The following FUT8 variants were observed in gnomAD, a reference collection of about 807,000 sequenced individuals.
The protein encoded by FUT8 is alpha-(1,6)-fucosyltransferase.
FUT8 carries 29 observed loss-of-function variants against 71.3 expected under a neutral mutation model. The observed-to-expected ratio is 0.41, with a 90% CI of 0.30 to 0.55. The LOEUF is 0.55. Among genes scored for constraint, FUT8 ranks in the 20% least tolerant of loss-of-function variants. The probability of loss-of-function intolerance (pLI) is 0.34; values close to 1 mark genes in which losing one functional copy is unlikely to be tolerated. For synonymous variants in FUT8, 254 were observed against 239.3 expected (o/e 1.06, Z -0.57); for missense variants, 544 against 702.1 (o/e 0.77, Z 2.55).
chr14:65,431,411 G>C (rs755643034), intron 1 of FUT8, among the ~76,000 whole-genome samples: 7 of 147,798 alleles, frequency 4.7e-5, no homozygotes, highest in Non-Finnish European at 9.0e-5. Context: ...CTGGGCTCAG[G>C]TGATCCTCCT....
At chr14:65,692,491 G>C (rs1205921473) in intron 7 of FUT8, among the ~76,000 whole-genome samples, 8 of 80,024 alleles carry the variant, frequency 1.0e-4, no homozygotes, top group Admixed American at 1.2e-4. Flanking sequence ...CGGGGCGGCT[G>C]GCCGGGCGGG....
At chr14:65,365,706 G>T in the FUT8 span, among the ~76,000 whole-genome samples, 401 of 152,284 alleles carry the variant, frequency 2.6e-3, 2 homozygotes, top group African/African-American at 9.0e-3. Context: ...GCCCTATAGG[G>T]TCTGAAAAGG....
At chr14:65,462,007 C>T (rs1461025619) in intron 2 of FUT8, among the ~76,000 whole-genome samples, 2 of 152,164 alleles carry the variant, frequency 1.3e-5, no homozygotes, top group Admixed American at 6.5e-5. Context: ...GTCTGTGGGA[C>T]TATTGGGTTT....
chr14:65,472,277 CA>C lies in FUT8; in HGVS notation c.-228+16561del, dbSNP rs2066159249. Among the ~76,000 whole-genome samples the C allele has an allele frequency of 6.6e-6, 1 of 152,100 alleles. No individual in the cohort carries two copies. The highest frequency in any genetic ancestry group is 2.4e-5 in the African/African-American group (1 of 41,434). Reference sequence around the variant, plus strand: ...GAGGAGGGGCCCTGGCTCTTTTTAACAACCAGCTCTTGGGGGAACAAATAGA... The same window carrying C: ...GAGGAGGGGCCCTGGCTCTTTTTAACACCAGCTCTTGGGGGAACAAATAGA... On this transcript the variant is annotated intron_variant, in intron 2 of 10. Coordinates refer to ENST00000673929, the MANE Select transcript of FUT8 (RefSeq NM_001371533.1). The surrounding 1 kb of genome is among the most constrained non-coding windows in gnomAD (Gnocchi z 4.4).
chr14:65,632,194 T>C (rs1890221839), intron 6 of FUT8, among the ~76,000 whole-genome samples: 1 of 152,196 alleles, frequency 6.6e-6, no homozygotes, highest in Non-Finnish European at 1.5e-5. Context: ...AACATGCATG[T>C]GCAAGTATCT....
chr14:65,543,461 A>G (rs1884803530), intron 2 of FUT8, among the ~76,000 whole-genome samples: 1 of 152,212 alleles, frequency 6.6e-6, no homozygotes, highest in Non-Finnish European at 1.5e-5. Context: ...CTCTACTGAT[A>G]CATACCTTTT....
intron 1 of FUT8, among the ~76,000 whole-genome samples, chr14:65,423,794 CCTTT>C (rs2065339263): frequency 2.0e-5 from 3 of 152,160 alleles, no homozygotes. Context: ...TATAGGGATG[CCTTT>C]CTTTATAGCA....
At chr14:65,676,354 A>G (rs1038048991) in intron 7 of FUT8, among the ~76,000 whole-genome samples, 17 of 152,224 alleles carry the variant, frequency 1.1e-4, no homozygotes, top group Non-Finnish European at 2.1e-4. Context: ...AGAGCTAGAG[A>G]TAGAATCCAG....
chr14:65,480,220 G>A (rs1349888580), intron 2 of FUT8, among the ~76,000 whole-genome samples: 1 of 151,366 alleles, frequency 6.6e-6, no homozygotes, highest in Non-Finnish European at 1.5e-5. Context: ...TATCTGAATC[G>A]GCCCTTTCTA....
intron 2 of FUT8, among the ~76,000 whole-genome samples, chr14:65,541,781 T>G (rs1417283146): frequency 6.6e-6 from 1 of 152,190 alleles, no homozygotes; most frequent in Non-Finnish European, 1.5e-5. Context: ...AAATTAACCA[T>G]TATAAGATAT....
At chr14:65,491,449 C>A (rs1037158528) in intron 2 of FUT8, among the ~76,000 whole-genome samples, 2 of 152,018 alleles carry the variant, frequency 1.3e-5, no homozygotes, top group African/African-American at 4.8e-5. Context: ...AACTTCTGGT[C>A]CTTTTCTCAT....
At chr14:65,614,311 A>G (rs1444591250) in intron 3 of FUT8, among the ~76,000 whole-genome samples, 3 of 152,238 alleles carry the variant, frequency 2.0e-5, no homozygotes, top group Non-Finnish European at 4.4e-5. Context: ...ACTGCTAAGT[A>G]CTTTTACAGA....
chr14:65,675,897 T>C (rs926933722), intron 7 of FUT8, among the ~76,000 whole-genome samples: 1 of 151,330 alleles, frequency 6.6e-6, no homozygotes, highest in Non-Finnish European at 1.5e-5. Context: ...CTCAGGAGGC[T>C]GAGAGGGAAG....
intron 3 of FUT8, among the ~76,000 whole-genome samples, chr14:65,583,608 G>A (rs1426178979): frequency 1.3e-5 from 2 of 151,144 alleles, no homozygotes; most frequent in Non-Finnish European, 2.9e-5. Context: ...GGCAACATAA[G>A]CGACATTTAA....
intron 1 of FUT8, among the ~76,000 whole-genome samples, chr14:65,424,639 G>A (rs982262075): frequency 2.0e-5 from 3 of 150,600 alleles, no homozygotes; most frequent in African/African-American, 7.3e-5. Flanking sequence ...TGGTGTTCAG[G>A]TGATTCTCCT....
chr14:65,674,295 T>G (rs553301288), intron 7 of FUT8, among the ~76,000 whole-genome samples: 1 of 152,290 alleles, frequency 6.6e-6, no homozygotes, highest in East Asian at 1.9e-4. Flanking sequence ...GGAAGGATAT[T>G]AGACTGTGAG....
rs535651632 is a variant in FUT8, at chr14:65,670,667, T to C, written c.835+1187T>C. Among the ~76,000 whole-genome samples the C allele has an allele frequency of 2.2e-4, 34 of 152,264 alleles. No individual in the cohort carries two copies. In the South Asian group the frequency reaches 6.6e-3, roughly 30 times the overall value. Reference sequence around the variant, plus strand: ...ACGAGCTACAACACTAGATACGAAATAGGGAGCTATGTCATCAGCAAAGTA... The same window carrying C: ...ACGAGCTACAACACTAGATACGAAACAGGGAGCTATGTCATCAGCAAAGTA... On this transcript the variant is annotated intron_variant, in intron 7 of 10. Transcript: ENST00000673929.
In FUT8 at chr14:65,501,392, G is replaced by A. The variant is rs934712979; in HGVS notation, c.-228+45674G>A. Among the ~76,000 whole-genome samples the A allele has an allele frequency of 7.9e-5, 12 of 152,152 alleles. 1 individual carries two copies. Among genetic ancestry groups the A allele is most frequent in the African/African-American group, 2.9e-4 (12 of 41,430 alleles). The stretch of plus-strand genomic sequence containing the variant: ...GGGGGAAATAAGAACTTGGAGTTGG[G>A]ACCTCATAGAATTGGGGTTCAAAAC... On this transcript the variant is annotated intron_variant, in intron 2 of 10. Transcript: ENST00000673929.
rs77062345 is a variant in FUT8, at chr14:65,529,884, G to A, written c.-227-31453G>A. Among the ~76,000 whole-genome samples the A allele has an allele frequency of 5.8e-3, 875 of 152,142 alleles. 34 individuals carry two copies. The East Asian group carries it at 0.092, about 16-fold the overall frequency. On this transcript the variant is annotated intron_variant, in intron 2 of 10. Transcript: ENST00000673929. Reference sequence around the variant, plus strand: ...ACCTCTATTGAGTGACTCTCTGTTGGATGTCCCAAGGATTCATTGAGGACT... The same window carrying A: ...ACCTCTATTGAGTGACTCTCTGTTGAATGTCCCAAGGATTCATTGAGGACT...
Sources: gnomAD v4.1 joint callset for allele counts (sites outside exome capture counted in the v4.1 genomes callset) on GRCh38, gnomAD v4.1.1 for gene constraint, Gnocchi (gnomAD v3.1) non-coding constraint, MANE v1.5 for transcripts, NCBI Gene and HGNC (gene_info 2026-07-23, HGNC 2026-07-21) for gene names.